FGGY: variants seen among roughly 807,000 people sequenced by gnomAD.
FGGY encodes the protein FGGY carbohydrate kinase domain containing.
A neutral mutation model predicts 71.3 loss-of-function variants in FGGY; 72 were observed. The observed-to-expected ratio is 1.01, with a 90% confidence interval of 0.84 to 1.23. The LOEUF (loss-of-function observed/expected upper bound fraction) is 1.23, where lower values mean the gene tolerates loss of function less well. Among genes scored for constraint, FGGY ranks in the 50% most tolerant of loss-of-function variants. The pLI, the probability that FGGY is intolerant of heterozygous loss-of-function variation, is 0.00. For missense variants in FGGY, 668 were observed against 682.3 expected (o/e 0.98, Z 0.23); for synonymous variants, 251 against 250.3 (o/e 1.00, Z -0.02).
rs1169500236 is a variant in FGGY at position 59,635,524 on chromosome 1, GAA to G, written c.1074-2701_1074-2700del. 3.5e-5 allele frequency among the ~76,000 whole-genome samples: 5 copies of G among 140,894 alleles called. No individual in the cohort carries two copies. In the East Asian group the frequency reaches 1.0e-3, roughly 29 times the overall value. 92.4% of individuals were successfully genotyped at this position (140,894 alleles called of 152,430 possible). ...TCAGAGATTCCTTGAGAGGCAGAATGAAAAGATTTATAGACATGCGTTTCCAA... is the reference window on the plus strand; with the variant it reads ...TCAGAGATTCCTTGAGAGGCAGAATGAAGATTTATAGACATGCGTTTCCAA... On this transcript the variant is annotated intron_variant, in intron 10 of 15. Transcript: ENST00000303721.
intron 5 of FGGY, among the ~76,000 whole-genome samples, chr1:59,404,636 G>T (rs1571708350): frequency 6.6e-6 from 1 of 152,120 alleles, no homozygotes; most frequent in Admixed American, 6.5e-5. Flanking sequence ...GAGGCTGGAG[G>T]GGGAGAAGTG....
intron 6 of FGGY, among the ~76,000 whole-genome samples, chr1:59,476,800 A>G (rs1179183527): frequency 6.6e-6 from 1 of 152,240 alleles, no homozygotes; most frequent in African/African-American, 2.4e-5. Flanking sequence ...ATTACTCAAG[A>G]TGACAGAAGA....
chr1:59,689,187 T>A (rs2097569935), intron 14 of FGGY, among the ~76,000 whole-genome samples: 1 of 152,086 alleles, frequency 6.6e-6, no homozygotes, highest in Non-Finnish European at 1.5e-5. Flanking sequence ...TGGTAGTGAC[T>A]ACCAGCAGGA....
chr1:59,571,092 G>A (rs1319616153), intron 8 of FGGY, among the ~76,000 whole-genome samples: 1 of 152,184 alleles, frequency 6.6e-6, no homozygotes, highest in Non-Finnish European at 1.5e-5. Flanking sequence ...GTGCAGAGTA[G>A]TGGAACATTG....
intron 6 of FGGY, among the ~76,000 whole-genome samples, chr1:59,487,451 ATTACCTGCTG>A (rs1398368657): frequency 2.0e-5 from 3 of 152,082 alleles, no homozygotes; most frequent in African/African-American, 7.2e-5. Context: ...TGTCCATCTC[ATTACCTGCTG>A]TGGCCCAGCA....
chr1:59,711,511 T>C (rs1357083610), intron 14 of FGGY, among the ~76,000 whole-genome samples: 1 of 152,224 alleles, frequency 6.6e-6, no homozygotes, highest in Non-Finnish European at 1.5e-5. Flanking sequence ...TTGGGCTCTT[T>C]CTGGATAGAG....
intron 14 of FGGY, among the ~76,000 whole-genome samples, chr1:59,747,236 A>C (rs1279075329): frequency 6.6e-6 from 1 of 152,210 alleles, no homozygotes; most frequent in African/African-American, 2.4e-5. Context: ...ATCCATAAGA[A>C]GTAAGTCAAA....
chr1:59,587,308 G>C (rs191211418), intron 8 of FGGY, among the ~76,000 whole-genome samples: 1 of 152,144 alleles, frequency 6.6e-6, no homozygotes, highest in East Asian at 1.9e-4. Context: ...GAACTGGGTG[G>C]AGCCCACCAC....
At chr1:59,422,552 A>T (rs1303168159) in intron 5 of FGGY, among the ~76,000 whole-genome samples, 1 of 151,932 alleles carries the variant, frequency 6.6e-6, no homozygotes, top group Non-Finnish European at 1.5e-5. Flanking sequence ...AAAATTAGCC[A>T]GGTGAGGTAG....
intron 5 of FGGY, among the ~76,000 whole-genome samples, chr1:59,402,739 G>C (rs2062137474): frequency 6.6e-6 from 1 of 152,126 alleles, no homozygotes; most frequent in Non-Finnish European, 1.5e-5. Flanking sequence ...AGAGTGACTG[G>C]TCCACCAGGA....
intron 14 of FGGY, chr1:59,699,191 T>C: frequency 1.0e-6 from 1 of 985,292 alleles, no homozygotes; most frequent in Non-Finnish European, 1.2e-6. Context: ...TCAGTGTAAA[T>C]GTTAGGAGAA....
intron 7 of FGGY, among the ~76,000 whole-genome samples, chr1:59,519,795 G>A (rs545762681): frequency 6.6e-6 from 1 of 152,316 alleles, no homozygotes; most frequent in Non-Finnish European, 1.5e-5. Context: ...CTGCATGAGG[G>A]AATTGAAGGC....
intron 8 of FGGY, among the ~76,000 whole-genome samples, chr1:59,592,443 C>G (rs2096460806): frequency 6.6e-6 from 1 of 151,958 alleles, no homozygotes; most frequent in Non-Finnish European, 1.5e-5. Flanking sequence ...GGGTATATAC[C>G]CAAAGGACTA....
chr1:59,618,533 G>T (rs2096778809), intron 9 of FGGY, among the ~76,000 whole-genome samples: 1 of 152,092 alleles, frequency 6.6e-6, no homozygotes, highest in African/African-American at 2.4e-5. Flanking sequence ...TCTTTGAGAA[G>T]CAACTGTTGT....
intron 11 of FGGY, among the ~76,000 whole-genome samples, chr1:59,639,482 T>C (rs2153891786): frequency 6.6e-6 from 1 of 152,280 alleles, no homozygotes; most frequent in South Asian, 2.1e-4. Flanking sequence ...GGTGTCCTTT[T>C]TTATAGAGGC....
rs1179335902 is a variant in FGGY at position 59,426,972 on chromosome 1, G to A, written c.555-29989G>A. Among the ~76,000 whole-genome samples the A allele has an allele frequency of 3.9e-5, 6 of 152,206 alleles. No individual in the cohort carries two copies. The East Asian group carries it at 9.7e-4, about 24-fold the overall frequency. On this transcript the variant is annotated intron_variant, in intron 5 of 15. Transcript: ENST00000303721. Reference sequence around the variant, plus strand: ...ATTTTGTTTTGAAACCTTTTTCAGAGGCCAAGCATGCTGGGGACTTGAGGG... The same window carrying A: ...ATTTTGTTTTGAAACCTTTTTCAGAAGCCAAGCATGCTGGGGACTTGAGGG...
chr1:59,309,971 G>GA (rs36112664), intron 1 of FGGY: 366 of 120,428 alleles, frequency 3.0e-3, no homozygotes, highest in Non-Finnish European at 3.4e-3. Context: ...ACAGAGTGAG[G>GA]AAAAAAAAAA....
chr1:59,689,746 A>C (rs142759840), intron 14 of FGGY, among the ~76,000 whole-genome samples: 1 of 152,298 alleles, frequency 6.6e-6, no homozygotes, highest in East Asian at 1.9e-4. Context: ...CTTTCACTAC[A>C]GTTCATTTGT....
intron 3 of FGGY, among the ~76,000 whole-genome samples, chr1:59,342,014 C>T (rs546359885): frequency 1.4e-3 from 209 of 152,202 alleles, no homozygotes; most frequent in African/African-American, 3.7e-3. Context: ...TTCCATAAAG[C>T]ACAAGAGCCA....
Sources: gnomAD v4.1 joint callset for allele counts (sites outside exome capture counted in the v4.1 genomes callset) on GRCh38, gnomAD v4.1.1 for gene constraint, MANE v1.5 for transcripts, NCBI Gene and HGNC (gene_info 2026-07-23, HGNC 2026-07-21) for gene names.